Variants in SFMBT2 observed in about 807,000 individuals in gnomAD.
The protein encoded by SFMBT2 is Scm like with four mbt domains 2.
A neutral mutation model predicts 110.1 loss-of-function variants in SFMBT2; 38 were observed. The ratio of observed to expected loss-of-function variants is 0.35; its 90% CI spans 0.27 to 0.45. SFMBT2 has a LOEUF of 0.45. Among genes scored for constraint, SFMBT2 ranks in the 20% least tolerant of loss-of-function variants. SFMBT2 has a pLI of 1.00. For synonymous variants in SFMBT2, 425 were observed against 425.4 expected, an observed-to-expected ratio of 1.00 and a Z score of 0.01; for missense variants, 1,011 against 1,094.9, an observed-to-expected ratio of 0.92 and a Z score of 1.08.
chr10:7,387,476 C>A (rs1411539884), intron 1 of SFMBT2, among the ~76,000 whole-genome samples: 1 of 152,084 alleles, frequency 6.6e-6, no homozygotes, highest in Admixed American at 6.5e-5. Context: ...ATAACCACCA[C>A]CAAGTCCACC....
intron 1 of SFMBT2, among the ~76,000 whole-genome samples, chr10:7,389,470 C>A (rs1804422813): frequency 6.6e-6 from 1 of 152,082 alleles, no homozygotes. Flanking sequence ...AAAGACAATA[C>A]AAAAAACATT....
intron 2 of SFMBT2, among the ~76,000 whole-genome samples, chr10:7,379,957 A>C (rs1466888755): frequency 6.6e-6 from 1 of 152,208 alleles, no homozygotes; most frequent in Non-Finnish European, 1.5e-5. Flanking sequence ...GATACACTGC[A>C]ACCGTGTGCA....
In SFMBT2 at chr10:7,280,510, A is replaced by G. The variant is rs141588042; in HGVS notation, c.772+3394T>C. On this transcript the variant is annotated intron_variant, in intron 6 of 20. Transcript: ENST00000397167. ...CTTAGCATCTGCAAGAATATCTAAA[A>G]GTCTATCTTATTTTCTAAACATCCA... Among the ~76,000 whole-genome samples, 660 of 152,342 alleles carry G rather than the reference A, an allele frequency of 4.3e-3. 3 individuals are homozygous for G. The highest frequency in any genetic ancestry group is 7.6e-3 in the Non-Finnish European group (515 of 68,022).
chr10:7,365,515 T>A (rs1454598929), intron 4 of SFMBT2, among the ~76,000 whole-genome samples: 2 of 152,250 alleles, frequency 1.3e-5, no homozygotes, highest in East Asian at 3.9e-4. Flanking sequence ...CAGCTTACTG[T>A]CTGGGGGGAT....
At chr10:7,334,145 G>T (rs1223575935) in intron 4 of SFMBT2, among the ~76,000 whole-genome samples, 1 of 152,184 alleles carries the variant, frequency 6.6e-6, no homozygotes, top group Non-Finnish European at 1.5e-5. Context: ...GGAGCAACAT[G>T]ATGGTCTATC....
chr10:7,377,080 G>A (rs866259361), intron 2 of SFMBT2, among the ~76,000 whole-genome samples: 63 of 149,512 alleles, frequency 4.2e-4, no homozygotes, highest in African/African-American at 1.4e-3. Flanking sequence ...GAGGCAGGAG[G>A]ATCACTTGAA....
Position 7,172,678 on chromosome 10 carries a change from G to A in SFMBT2, c.1985-17C>T. 4 of 1,606,344 alleles carry A rather than the reference G, an allele frequency of 2.5e-6. No homozygotes were observed. The highest frequency in any genetic ancestry group is 3.4e-6 in the Non-Finnish European group (4 of 1,175,368). On this transcript the variant is annotated splice_polypyrimidine_tract_variant and intron_variant, in intron 17 of 20. Transcript: ENST00000397167. The surrounding 1 kb of genome is among the most constrained non-coding windows in gnomAD (Gnocchi z 4.6). The stretch of plus-strand genomic sequence containing the variant: ...AGTAATAGGCTGTAGGAAGGAAGAT[G>A]AGAAACTTTTGAAGGCTATACACAC...
chr10:7,323,594 C>A (rs2131940353), intron 4 of SFMBT2, among the ~76,000 whole-genome samples: 1 of 151,578 alleles, frequency 6.6e-6, no homozygotes, highest in South Asian at 2.1e-4. Context: ...TTTTTTCAAT[C>A]TGAAGTATGT....
At chr10:7,201,820 G>C (rs1378001218) in intron 13 of SFMBT2, among the ~76,000 whole-genome samples, 1 of 152,128 alleles carries the variant, frequency 6.6e-6, no homozygotes, top group Admixed American at 6.5e-5. Context: ...TCCACATAAA[G>C]TCACAATTGA....
At chr10:7,410,520 G>C (rs930400518) in intron 1 of SFMBT2, among the ~76,000 whole-genome samples, 1 of 152,188 alleles carries the variant, frequency 6.6e-6, no homozygotes, top group Non-Finnish European at 1.5e-5. Flanking sequence ...AACTCCGGAC[G>C]GACTCCCGCA....
In SFMBT2 at chr10:7,227,901, T is replaced by G; in HGVS notation, c.1157A>C (p.His386Pro). Reference sequence around the variant, plus strand: ...GGCTTCCTGCGCCCCATGCTGCTTGTGATAATCTGCCCAGTCGAAGTCCTG... The same window carrying G: ...GGCTTCCTGCGCCCCATGCTGCTTGGGATAATCTGCCCAGTCGAAGTCCTG... ...SGQDFDWADY[H>P]KQHGAQEAPP... is the part of the protein sequence containing the mutation. The change falls in exon 10 of 21, where the codon CAC (histidine) becomes CCC (proline). Residue 386 changes from histidine to proline, a missense_variant. Around this residue, in one of 2 missense-constraint regions of SFMBT2, gnomAD observed 979 missense variants for 1,016.1 expected, o/e 0.96. Transcript: ENST00000397167. 1 of 1,607,454 alleles carries G rather than the reference T, an allele frequency of 6.2e-7. No individual in the cohort carries two copies. Among genetic ancestry groups the G allele is most frequent in the South Asian group, 1.1e-5 (1 of 89,434 alleles).
intron 1 of SFMBT2, among the ~76,000 whole-genome samples, chr10:7,402,639 T>C (rs78568113): frequency 0.035 from 5,320 of 152,216 alleles, 130 homozygotes; most frequent in African/African-American, 0.068. Flanking sequence ...TCCACCAATA[T>C]AGAGCAAGAG....
chr10:7,257,943 C>G (rs536191848), intron 7 of SFMBT2, among the ~76,000 whole-genome samples: 1 of 152,202 alleles, frequency 6.6e-6, no homozygotes, highest in Middle Eastern at 3.4e-3. Flanking sequence ...AAACCAAATT[C>G]TTTTTTCATT....
At chr10:7,277,965 T>C (rs531721659) in intron 6 of SFMBT2, among the ~76,000 whole-genome samples, 55 of 152,362 alleles carry the variant, frequency 3.6e-4, no homozygotes, top group African/African-American at 1.1e-3. Context: ...TTTAAGCCCC[T>C]GTTTCCGCAG....
At chr10:7,298,143 T>C (rs1842458133) in intron 4 of SFMBT2, among the ~76,000 whole-genome samples, 2 of 152,168 alleles carry the variant, frequency 1.3e-5, no homozygotes, top group Non-Finnish European at 2.9e-5. Context: ...TAATTGGAAT[T>C]CCAAGCAACT....
intron 4 of SFMBT2, among the ~76,000 whole-genome samples, chr10:7,308,981 C>T (rs1842771970): frequency 6.6e-6 from 1 of 152,166 alleles, no homozygotes; most frequent in Non-Finnish European, 1.5e-5. Context: ...TGAAAGGATC[C>T]TCAAGTTCAA....
chr10:7,172,407 G>A lies in SFMBT2; in HGVS notation c.2151+88C>T. 6 of 1,594,510 alleles carry A rather than the reference G, an allele frequency of 3.8e-6. No individual in the cohort carries two copies. Among genetic ancestry groups the A allele is most frequent in the Non-Finnish European group, 5.1e-6 (6 of 1,171,986 alleles). Reference sequence around the variant, plus strand: ...CTGACCATCTTGCCACAATCTCCAGGGCCACCTCTGCTGTGAAGCAGCCAC... The same window carrying A: ...CTGACCATCTTGCCACAATCTCCAGAGCCACCTCTGCTGTGAAGCAGCCAC... On this transcript the variant is annotated intron_variant, in intron 18 of 20. Coordinates refer to ENST00000397167, the MANE Select transcript of SFMBT2 (RefSeq NM_001387889.1). The surrounding 1 kb of genome is among the most constrained non-coding windows in gnomAD (Gnocchi z 4.6).
intron 7 of SFMBT2, 136 bp from the exon 8 acceptor site, chr10:7,248,785 T>C: frequency 1.4e-6 from 1 of 710,984 alleles, no homozygotes; most frequent in Non-Finnish European, 2.3e-6. Flanking sequence ...TGTTTCGAAT[T>C]TCTAATTATT....
Position 7,280,786 on chromosome 10 carries a change from G to T in SFMBT2, c.772+3118C>A, listed in dbSNP as rs552922851. 9.2e-5 allele frequency among the ~76,000 whole-genome samples: 14 copies of T among 152,234 alleles called. No individual in the cohort carries two copies. In the East Asian group the frequency reaches 2.7e-3, roughly 29 times the overall value. The stretch of plus-strand genomic sequence containing the variant: ...AGAATGCTATTTCCTCTGATTCAGG[G>T]CAAAAAGAGAAAGGCTCAATGGCCC... On this transcript the variant is annotated intron_variant, in intron 6 of 20. Transcript: ENST00000397167.
Sources: allele counts gnomAD v4.1 joint callset (sites outside exome capture counted in the v4.1 genomes callset), GRCh38; gene constraint gnomAD v4.1.1; regional missense constraint gnomAD v4.1.1; non-coding constraint Gnocchi (gnomAD v3.1); transcripts MANE v1.5; gene names NCBI Gene and HGNC (gene_info 2026-07-23, HGNC 2026-07-21).